SLC1A1: variants seen among roughly 807,000 people sequenced by gnomAD.
SLC1A1 encodes excitatory amino acid transporter 3.
In SLC1A1, 43 loss-of-function variants were observed where a neutral mutation model predicts 53.3. The ratio of observed to expected loss-of-function variants is 0.81; its 90% CI spans 0.63 to 1.04. The LOEUF (loss-of-function observed/expected upper bound fraction) is 1.04. Among genes scored for constraint, SLC1A1 ranks in the 50% least tolerant of loss-of-function variants. The probability of loss-of-function intolerance (pLI) is 0.00; values close to 1 mark genes in which losing one functional copy is unlikely to be tolerated. For missense variants in SLC1A1, 748 were observed against 664.9 expected, an observed-to-expected ratio of 1.12 and a Z score of -1.37; for synonymous variants, 307 against 243.2, an observed-to-expected ratio of 1.26 and a Z score of -2.44.
rs554458132 is a variant in SLC1A1 at position 4,521,803 on chromosome 9, GGAGA to G, written c.92-22761_92-22758del. On this transcript the variant is annotated intron_variant, in intron 1 of 11. Transcript: ENST00000262352. Reference sequence around the variant, plus strand: ...TGCAGTTGATGGTGGCAGCTAAGTGGGAGAGAAAGTCAGCGAAGACAATTATTTA... The same window carrying G: ...TGCAGTTGATGGTGGCAGCTAAGTGGGAAAGTCAGCGAAGACAATTATTTA... 4.5e-3 allele frequency among the ~76,000 whole-genome samples: 679 copies of G among 152,198 alleles called. 5 individuals carry two copies. Among genetic ancestry groups the G allele is most frequent in the African/African-American group, 0.015 (620 of 41,506 alleles).
At chr9:4,564,130 C>T (rs1263988263) in intron 3 of SLC1A1, among the ~76,000 whole-genome samples, 1 of 152,176 alleles carries the variant, frequency 6.6e-6, no homozygotes, top group Non-Finnish European at 1.5e-5. Flanking sequence ...CGCACGCAAG[C>T]ACATGGAGTT....
At chr9:4,509,707 G>T (rs1184601451) in intron 1 of SLC1A1, among the ~76,000 whole-genome samples, 2 of 152,212 alleles carry the variant, frequency 1.3e-5, no homozygotes, top group African/African-American at 2.4e-5. Context: ...AAGACAGAGG[G>T]TGAATCGGAG....
intron 1 of SLC1A1, among the ~76,000 whole-genome samples, chr9:4,538,318 A>G (rs1384471834): frequency 6.6e-6 from 1 of 152,252 alleles, no homozygotes; most frequent in East Asian, 1.9e-4. Context: ...GGCAGCTTCC[A>G]GGTGACAGTT....
chr9:4,522,233 T>A (rs1816103919), intron 1 of SLC1A1, among the ~76,000 whole-genome samples: 1 of 151,708 alleles, frequency 6.6e-6, no homozygotes. Context: ...TTGTATTTTC[T>A]GTAGAGATGG....
chr9:4,584,723 A>G (rs1821431103), intron 11 of SLC1A1, among the ~76,000 whole-genome samples: 1 of 152,140 alleles, frequency 6.6e-6, no homozygotes, highest in Non-Finnish European at 1.5e-5. Context: ...TTAAGACTGG[A>G]TGAGGGTGGC....
chr9:4,532,268 T>G (rs946637290), intron 1 of SLC1A1, among the ~76,000 whole-genome samples: 1 of 151,912 alleles, frequency 6.6e-6, no homozygotes, highest in Non-Finnish European at 1.5e-5. Flanking sequence ...TACTCTGAGC[T>G]AAAGGAGGAA....
intron 1 of SLC1A1, among the ~76,000 whole-genome samples, chr9:4,540,056 T>A (rs191862294): frequency 6.6e-6 from 1 of 152,080 alleles, no homozygotes; most frequent in Admixed American, 6.5e-5. Context: ...AAACCACCCA[T>A]GGCCCTCCTG....
chr9:4,565,962 T>C (rs1348310225), intron 4 of SLC1A1, 85 bp from the exon 5 acceptor site: 3 of 1,019,880 alleles, frequency 2.9e-6, no homozygotes, highest in Non-Finnish European at 4.7e-6. Context: ...TAGTTTTATG[T>C]TATACTAATT....
chr9:4,580,371 A>T (rs888611553), intron 10 of SLC1A1, among the ~76,000 whole-genome samples: 2 of 152,194 alleles, frequency 1.3e-5, no homozygotes, highest in African/African-American at 4.8e-5. Context: ...ACTTTAGCCC[A>T]GGAGTTTGAG....
At chr9:4,551,661 A>C (rs532493405) in intron 2 of SLC1A1, among the ~76,000 whole-genome samples, 1 of 152,326 alleles carries the variant, frequency 6.6e-6, no homozygotes, top group South Asian at 2.1e-4. Flanking sequence ...GAAAATTGCC[A>C]TTCAAGGTGG....
intron 1 of SLC1A1, among the ~76,000 whole-genome samples, chr9:4,521,450 G>A (rs1816067865): frequency 6.6e-6 from 1 of 152,124 alleles, no homozygotes; most frequent in Non-Finnish European, 1.5e-5. Context: ...GTCACATCTG[G>A]TATAGTAGAA....
chr9:4,558,662 T>G (rs1209848838), intron 2 of SLC1A1, among the ~76,000 whole-genome samples: 3 of 152,174 alleles, frequency 2.0e-5, no homozygotes, highest in Non-Finnish European at 2.9e-5. Flanking sequence ...CATATTAACA[T>G]ATGCTGGGAA....
chr9:4,552,816 A>G (rs1274976260), intron 2 of SLC1A1, among the ~76,000 whole-genome samples: 1 of 151,298 alleles, frequency 6.6e-6, no homozygotes, highest in African/African-American at 2.4e-5. Flanking sequence ...AATGCCATAC[A>G]ATTTTTTTAC....
At chr9:4,580,674 C>A (rs1821008647) in intron 10 of SLC1A1, among the ~76,000 whole-genome samples, 1 of 109,836 alleles carries the variant, frequency 9.1e-6, no homozygotes, top group Non-Finnish European at 1.8e-5. Flanking sequence ...AGAAGAAAGA[C>A]AATTGTAGGA....
chr9:4,584,219 C>T lies in SLC1A1; in HGVS notation c.1328+1047C>T, dbSNP rs910946725. Reference sequence around the variant, plus strand: ...GGCTTGAAAACACAGATTCACATTTCAAATGGCAAAAGCCCCTGCACCTGG... The same window carrying T: ...GGCTTGAAAACACAGATTCACATTTTAAATGGCAAAAGCCCCTGCACCTGG... On this transcript the variant is annotated intron_variant, in intron 11 of 11. Transcript: ENST00000262352. 3.3e-5 allele frequency among the ~76,000 whole-genome samples: 5 copies of T among 152,344 alleles called. No homozygotes were observed. In the Middle Eastern group the frequency reaches 0.014, roughly 415 times the overall value.
intron 1 of SLC1A1, among the ~76,000 whole-genome samples, chr9:4,526,176 C>G (rs1350289548): frequency 6.6e-6 from 1 of 151,746 alleles, no homozygotes; most frequent in Admixed American, 6.6e-5. Context: ...ATGAGCTAAG[C>G]GATCAACTCC....
intron 10 of SLC1A1, 66 bp downstream of exon 10, chr9:4,576,829 A>G (rs1820590980): frequency 7.1e-7 from 1 of 1,399,794 alleles, no homozygotes; most frequent in African/African-American, 1.4e-5. Flanking sequence ...AAAATTGTCC[A>G]TGAAGGGACA....
At position 4,507,866 on chromosome 9, in the gene SLC1A1, TA is replaced by T. The variant is rs1187827299; in HGVS notation, c.91+17097del. Among the ~76,000 whole-genome samples the T allele has an allele frequency of 1.1e-4, 17 of 152,300 alleles. No individual in the cohort carries two copies. The East Asian group carries it at 3.3e-3, about 29-fold the overall frequency. On this transcript the variant is annotated intron_variant, in intron 1 of 11. Transcript: ENST00000262352. Reference sequence around the variant, plus strand: ...GCAGGAGAGATGGTCAGATTTTATTTACACACAGGGAGATGGCTTCCTAAGA... The same window carrying T: ...GCAGGAGAGATGGTCAGATTTTATTTCACACAGGGAGATGGCTTCCTAAGA...
chr9:4,545,189 G>GTCTCTCTCTCTCTC (rs6150901), intron 2 of SLC1A1, among the ~76,000 whole-genome samples: 13,253 of 130,650 alleles, frequency 0.1, 838 homozygotes, highest in East Asian at 0.15. Context: ...TACATTAGAT[G>GTCTCTCTCTCTCTC]TCTCTCTCTC....
Sources: gnomAD v4.1 joint callset for allele counts (sites outside exome capture counted in the v4.1 genomes callset) on GRCh38, gnomAD v4.1.1 for gene constraint, MANE v1.5 for transcripts, NCBI Gene and HGNC (gene_info 2026-07-23, HGNC 2026-07-21) for gene names.